The following PLAUR variants were observed in gnomAD, a reference collection of about 807,000 sequenced individuals.
The protein encoded by PLAUR is plasminogen activator, urokinase receptor.
In PLAUR, 22 loss-of-function variants were observed where a neutral mutation model predicts 33.4. The observed-to-expected ratio is 0.66, with a 90% CI of 0.47 to 0.94. The LOEUF (loss-of-function observed/expected upper bound fraction) is 0.94, where lower values mean the gene tolerates loss of function less well. Among genes scored for constraint, PLAUR ranks in the 40% least tolerant of loss-of-function variants. The pLI is 0.00. For synonymous variants in PLAUR, 148 were observed against 167.3 expected, an observed-to-expected ratio of 0.88 and a Z score of 0.89; for missense variants, 408 against 434.7, an observed-to-expected ratio of 0.94 and a Z score of 0.55.
intron 6 of PLAUR, among the ~76,000 whole-genome samples, chr19:43,650,619 C>T (rs971326766): frequency 6.6e-6 from 1 of 152,286 alleles, no homozygotes. Context: ...AGCCACCATG[C>T]CTGGCTATCA....
At chr19:43,658,792 C>T (rs1477593236) in intron 3 of PLAUR, among the ~76,000 whole-genome samples, 1 of 152,196 alleles carries the variant, frequency 6.6e-6, no homozygotes, top group Non-Finnish European at 1.5e-5. Flanking sequence ...TCATTTACAT[C>T]CAAAGCCCAA....
chr19:43,654,169 A>G lies in PLAUR; in HGVS notation c.607+1270T>C, dbSNP rs78131356. 1.5e-4 allele frequency among the ~76,000 whole-genome samples: 23 copies of G among 151,564 alleles called. No individual in the cohort carries two copies. The East Asian group carries it at 4.3e-3, about 28-fold the overall frequency. ...GCTGGGTGCAATGATGCGCATCTGT[A>G]GTCCCAGCTACTTGGGAAGCTGAGG... On this transcript the variant is annotated intron_variant, in intron 5 of 6. Transcript: ENST00000340093.
intron 3 of PLAUR, among the ~76,000 whole-genome samples, chr19:43,657,377 G>A (rs935674117): frequency 6.6e-6 from 1 of 152,030 alleles, no homozygotes; most frequent in African/African-American, 2.4e-5. Context: ...TCAAATACTG[G>A]GGCCTGAGCA....
chr19:43,665,408 G>A lies in PLAUR; in HGVS notation c.218C>T (p.Thr73Ile). ...VEKSCTHSEK[T>I]NRTLSYRTGL... ...AGTCCGATAGCTCAGGGTCCTGTTG[G>A]TCTTCTCTGAGTGGGTACAGCTTTT... Residue 73 changes from threonine to isoleucine, a missense_variant, in exon 3 of 7, where the codon ACC (threonine) becomes ATC (isoleucine). Physicochemically the swap from Thr to Ile is moderately conservative, Grantham distance 89. Coordinates refer to ENST00000340093, the MANE Select transcript of PLAUR (RefSeq NM_002659.4). The A allele has an allele frequency of 1.2e-6, 2 of 1,613,472 alleles. No homozygotes were observed. The highest frequency in any genetic ancestry group is 2.2e-5 in the East Asian group (1 of 44,754).
In PLAUR at chr19:43,648,769, G is replaced by A; in HGVS notation, c.*121C>T. ...AGCTGTTTTCATAGCTGGGAAAACT[G>A]AGGCCCAGAGAGGTCGGCACACTGG... On this transcript the variant is annotated 3_prime_UTR_variant, in exon 7 of 7. Coordinates refer to ENST00000340093, the MANE Select transcript of PLAUR (RefSeq NM_002659.4). 9.1e-7 allele frequency: 1 copy of A among 1,098,786 alleles called. No homozygotes were observed. The highest frequency in any genetic ancestry group is 1.6e-5 in the African/African-American group (1 of 63,790). The allele number at this position is 1,098,786 out of a possible 1,614,324, so 68.1% of individuals were successfully genotyped here.
In PLAUR at chr19:43,667,023, C is replaced by T. The variant is rs4251820; in HGVS notation, c.166+558G>A. ...TCCCAAGTAGCTGAGATTACAGGTG[C>T]GTGCCACCACACTCGGCTAATTTTT... On this transcript the variant is annotated intron_variant, in intron 2 of 6. Coordinates refer to ENST00000340093, the MANE Select transcript of PLAUR (RefSeq NM_002659.4). Among the ~76,000 whole-genome samples, 984 of 152,118 alleles carry T rather than the reference C, an allele frequency of 6.5e-3. 8 individuals carry two copies. The highest frequency in any genetic ancestry group is 0.023 in the African/African-American group (937 of 41,478).
intron 3 of PLAUR, among the ~76,000 whole-genome samples, chr19:43,660,326 C>G (rs4251850): frequency 4.5e-5 from 6 of 134,802 alleles, no homozygotes; most frequent in Admixed American, 4.2e-4. Context: ...CCACCATACC[C>G]GGCTAATTTT....
At chr19:43,668,100 T>C (rs1425194306) in intron 1 of PLAUR, 1 of 1,015,894 alleles carries the variant, frequency 9.8e-7, no homozygotes, top group Non-Finnish European at 1.2e-6. Flanking sequence ...GTTCTAGCCT[T>C]GCCCCACCCG....
intron 3 of PLAUR, among the ~76,000 whole-genome samples, chr19:43,660,177 T>TTGTTC (rs61604989): frequency 0.016 from 2,463 of 152,052 alleles, 67 homozygotes; most frequent in African/African-American, 0.057. Context: ...TTGTTTTGTT[T>TTGTTC]TGTTTTGAGA....
chr19:43,655,176 C>T (rs1974150966), intron 5 of PLAUR, among the ~76,000 whole-genome samples: 2 of 146,630 alleles, frequency 1.4e-5, no homozygotes, highest in South Asian at 4.3e-4. Context: ...ACTCAGGAGG[C>T]TGAAGCAGGA....
At chr19:43,664,104 G>T (rs1192232300) in intron 3 of PLAUR, among the ~76,000 whole-genome samples, 4 of 151,846 alleles carry the variant, frequency 2.6e-5, no homozygotes, top group Admixed American at 2.0e-4. Context: ...CCCAAGTATT[G>T]GTGCTTTCCT....
chr19:43,646,884 G>A (rs1198803261), downstream of PLAUR, among the ~76,000 whole-genome samples: 5 of 147,138 alleles, frequency 3.4e-5, no homozygotes, highest in East Asian at 2.0e-4. Flanking sequence ...GGGTTCAAGC[G>A]ATTCTCCTGC....
At chr19:43,649,236 A>G in intron 6 of PLAUR, 93 bp from the exon 7 acceptor site, 1 of 1,364,996 alleles carries the variant, frequency 7.3e-7, no homozygotes, top group Non-Finnish European at 1.0e-6. Flanking sequence ...AGTGGGTGCC[A>G]CCTTCACTAC....
At chr19:43,661,136 GC>G (rs1446237813) in intron 3 of PLAUR, 1 of 152,160 alleles carries the variant, frequency 6.6e-6, no homozygotes, top group Non-Finnish European at 1.5e-5. Flanking sequence ...AGATTTGTTT[GC>G]AGGTTGGGAA....
intron 6 of PLAUR, among the ~76,000 whole-genome samples, chr19:43,650,843 G>T (rs181589163): frequency 5.3e-5 from 8 of 151,594 alleles, no homozygotes; most frequent in Admixed American, 5.3e-4. Context: ...GACCATCCTG[G>T]CCAACATGGT....
chr19:43,659,736 C>T (rs1453345331), intron 3 of PLAUR, among the ~76,000 whole-genome samples: 1 of 152,210 alleles, frequency 6.6e-6, no homozygotes. Flanking sequence ...AGAAACCTGG[C>T]AGACCCCCTT....
Position 43,649,221 on chromosome 19 carries a change from C to A in PLAUR, c.755-78G>T. ...AATTCTCCAGTAGGTGACCTGCCACCTTGCAGTGGGTGCCACCTTCACTAC... is the reference window on the plus strand; with the variant it reads ...AATTCTCCAGTAGGTGACCTGCCACATTGCAGTGGGTGCCACCTTCACTAC... On this transcript the variant is annotated intron_variant, in intron 6 of 6. Transcript: ENST00000340093. The A allele has an allele frequency of 2.6e-6, 4 of 1,515,140 alleles. No individual in the cohort carries two copies. The South Asian group carries it at 3.6e-5, about 14-fold the overall frequency. The allele number at this position is 1,515,140 out of a possible 1,614,324, so 93.9% of individuals were successfully genotyped here.
chr19:43,657,238 T>C (rs1974252181), intron 3 of PLAUR, among the ~76,000 whole-genome samples: 2 of 152,078 alleles, frequency 1.3e-5, no homozygotes, highest in South Asian at 4.1e-4. Context: ...GCCACTGCAC[T>C]CGGGCCCTTA....
intron 1 of PLAUR, among the ~76,000 whole-genome samples, chr19:43,669,429 C>A (rs1345567336): frequency 2.0e-5 from 3 of 152,198 alleles, no homozygotes; most frequent in Admixed American, 6.5e-5. Context: ...CTCTCTGTGC[C>A]CTAGTTTCCT....
Sources: allele counts gnomAD v4.1 joint callset (sites outside exome capture counted in the v4.1 genomes callset), GRCh38; gene constraint gnomAD v4.1.1; transcripts MANE v1.5; gene names NCBI Gene and HGNC (gene_info 2026-07-23, HGNC 2026-07-21).